AGBL4: variants seen among roughly 807,000 people sequenced by gnomAD.
AGBL4 encodes the protein AGBL carboxypeptidase 4.
A neutral mutation model predicts 66.4 loss-of-function variants in AGBL4; 58 were observed. That is an observed-to-expected ratio of 0.87 (90% CI 0.71 to 1.09). AGBL4 has a LOEUF of 1.09. Ranked by LOEUF, AGBL4 falls within the 50% of genes least tolerant of loss-of-function variation. AGBL4 has a pLI of 0.00. For missense variants in AGBL4, 579 were observed against 631.0 expected (o/e 0.92, Z 0.88); for synonymous variants, 234 against 222.9 (o/e 1.05, Z -0.44).
At chr1:49,051,939 C>A (rs1329903369) in intron 4 of AGBL4, among the ~76,000 whole-genome samples, 1 of 152,092 alleles carries the variant, frequency 6.6e-6, no homozygotes, top group Non-Finnish European at 1.5e-5. Context: ...GATGGGCACT[C>A]AGGGTGGGAG....
At chr1:49,110,937 C>T (rs1458769832) in intron 4 of AGBL4, among the ~76,000 whole-genome samples, 1 of 152,046 alleles carries the variant, frequency 6.6e-6, no homozygotes, top group African/African-American at 2.4e-5. Flanking sequence ...AGGGTGTGAT[C>T]TCCATAGAAG....
At chr1:48,607,092 T>C (rs1645164968) in intron 9 of AGBL4, among the ~76,000 whole-genome samples, 1 of 152,114 alleles carries the variant, frequency 6.6e-6, no homozygotes, top group African/African-American at 2.4e-5. Context: ...GCCTGAAACA[T>C]AGGAGGTGTT....
intron 2 of AGBL4, among the ~76,000 whole-genome samples, chr1:49,751,894 G>C (rs1348611826): frequency 6.6e-6 from 1 of 151,422 alleles, no homozygotes; most frequent in Non-Finnish European, 1.5e-5. Context: ...TCTGATGGTA[G>C]CTTGTATTTC....
chr1:49,612,443 A>G (rs1645172656), intron 3 of AGBL4, among the ~76,000 whole-genome samples: 2 of 152,228 alleles, frequency 1.3e-5, no homozygotes, highest in Admixed American at 6.5e-5. Context: ...GAAAAATGAA[A>G]AAAATGAATA....
chr1:49,444,699 A>T (rs1646113526), intron 3 of AGBL4, among the ~76,000 whole-genome samples: 1 of 152,022 alleles, frequency 6.6e-6, no homozygotes, highest in Admixed American at 6.6e-5. Context: ...TAAGCAGCAT[A>T]TAGTTGGATC....
chr1:49,893,705 A>G (rs1648886230), intron 1 of AGBL4, among the ~76,000 whole-genome samples: 1 of 152,222 alleles, frequency 6.6e-6, no homozygotes, highest in Non-Finnish European at 1.5e-5. Flanking sequence ...CAGCCTCAGT[A>G]GAGAGCACCG....
At chr1:48,924,555 TTTG>T (rs1347935515) in intron 5 of AGBL4, among the ~76,000 whole-genome samples, 4 of 152,180 alleles carry the variant, frequency 2.6e-5, no homozygotes, top group Non-Finnish European at 5.9e-5. Context: ...GAGTTTTTCT[TTTG>T]TTTTGCATTT....
At chr1:48,604,464 G>A (rs567660191) in intron 9 of AGBL4, among the ~76,000 whole-genome samples, 93 of 151,948 alleles carry the variant, frequency 6.1e-4, no homozygotes, top group South Asian at 2.5e-3. Flanking sequence ...TGAAAAGAAC[G>A]TTTCCCCCAT....
In AGBL4 at chr1:49,901,899, T is replaced by C. The variant is rs557907509; in HGVS notation, c.35-50381A>G. ...AAATAATCCCTCATACTTACAGCCA[T>C]CTGATCCTTGACAAACTTGACAAAC... On this transcript the variant is annotated intron_variant, in intron 1 of 13. Transcript: ENST00000371839. Among the ~76,000 whole-genome samples, 5 of 152,258 alleles carry C rather than the reference T, an allele frequency of 3.3e-5. No homozygotes were observed. The East Asian group carries it at 5.8e-4, about 18-fold the overall frequency.
chr1:49,794,765 T>C (rs912212090), intron 2 of AGBL4, among the ~76,000 whole-genome samples: 1 of 152,002 alleles, frequency 6.6e-6, no homozygotes. Context: ...CATTAAATAA[T>C]TGGTTAAATG....
chr1:48,718,863 C>T (rs972266740), intron 6 of AGBL4, among the ~76,000 whole-genome samples: 2 of 152,162 alleles, frequency 1.3e-5, no homozygotes, highest in East Asian at 1.9e-4. Flanking sequence ...TGCTCATGCT[C>T]CCTGCTTCTA....
At chr1:49,985,475 G>GA (rs1262921787) in intron 1 of AGBL4, among the ~76,000 whole-genome samples, 1 of 151,686 alleles carries the variant, frequency 6.6e-6, no homozygotes, top group Admixed American at 6.6e-5. Context: ...TAAGTGAAGA[G>GA]AAAAAAAATC....
chr1:49,169,997 G>C (rs913117356), intron 4 of AGBL4, among the ~76,000 whole-genome samples: 1 of 151,944 alleles, frequency 6.6e-6, no homozygotes, highest in Non-Finnish European at 1.5e-5. Flanking sequence ...AAGAGCAGGA[G>C]GGGAGTGAGG....
intron 1 of AGBL4, among the ~76,000 whole-genome samples, chr1:49,920,637 TTGG>T (rs775619675): frequency 1.3e-5 from 2 of 152,184 alleles, no homozygotes; most frequent in Admixed American, 6.5e-5. Context: ...TTTTACACTC[TTGG>T]TGGGACTGTA....
chr1:49,097,558 G>C (rs1645128428), intron 4 of AGBL4, among the ~76,000 whole-genome samples: 1 of 152,222 alleles, frequency 6.6e-6, no homozygotes, highest in Admixed American at 6.5e-5. Context: ...CTGGGGAAAA[G>C]ACTAGAAAGA....
At chr1:49,272,421 C>A (rs1334333835) in intron 3 of AGBL4, among the ~76,000 whole-genome samples, 1 of 152,146 alleles carries the variant, frequency 6.6e-6, no homozygotes, top group African/African-American at 2.4e-5. Flanking sequence ...TTAAAAATTA[C>A]TTATCTAAAT....
intron 3 of AGBL4, among the ~76,000 whole-genome samples, chr1:49,538,494 G>T (rs1055252114): frequency 6.6e-6 from 1 of 152,110 alleles, no homozygotes; most frequent in East Asian, 1.9e-4. Flanking sequence ...CAATATATCC[G>T]TGTAACAAAA....
At chr1:48,613,942 C>T (rs1645279428) in intron 9 of AGBL4, among the ~76,000 whole-genome samples, 1 of 152,162 alleles carries the variant, frequency 6.6e-6, no homozygotes, top group South Asian at 2.1e-4. Flanking sequence ...TGAGTTAAGG[C>T]CATGAGATAA....
chr1:49,960,036 G>A (rs144888325), intron 1 of AGBL4, among the ~76,000 whole-genome samples: 1 of 151,836 alleles, frequency 6.6e-6, no homozygotes, highest in Admixed American at 6.6e-5. Flanking sequence ...TGGGAGCGGG[G>A]AGGGGATCAG....
Sources: allele counts gnomAD v4.1 joint callset (sites outside exome capture counted in the v4.1 genomes callset), GRCh38; gene constraint gnomAD v4.1.1; transcripts MANE v1.5; gene names NCBI Gene and HGNC (gene_info 2026-07-23, HGNC 2026-07-21).